DENND1B: variants seen among roughly 807,000 people sequenced by gnomAD.
DENND1B encodes DENN domain containing 1B, also known as DENN domain-containing protein 1B.
A neutral mutation model predicts 90.1 loss-of-function variants in DENND1B; 59 were observed. The observed-to-expected ratio is 0.65, with a 90% CI of 0.53 to 0.81. The LOEUF (loss-of-function observed/expected upper bound fraction) is 0.81. Among genes scored for constraint, DENND1B ranks in the 40% least tolerant of loss-of-function variants. DENND1B has a pLI of 0.00. For missense variants in DENND1B, 862 were observed against 912.6 expected, an observed-to-expected ratio of 0.94 and a Z score of 0.71; for synonymous variants, 337 against 324.6, an observed-to-expected ratio of 1.04 and a Z score of -0.41.
chr1:197,613,247 G>C (rs1332766224), intron 11 of DENND1B, among the ~76,000 whole-genome samples: 2 of 150,640 alleles, frequency 1.3e-5, no homozygotes, highest in African/African-American at 4.9e-5. Context: ...ACCTTAAAAA[G>C]TTCCAAATTT....
chr1:197,758,506 A>G (rs1028865515), intron 2 of DENND1B, among the ~76,000 whole-genome samples: 5 of 152,194 alleles, frequency 3.3e-5, no homozygotes, highest in African/African-American at 1.2e-4. Flanking sequence ...TATGTATTTG[A>G]CTCTCATAAC....
chr1:197,553,440 T>C (rs1054307890), intron 15 of DENND1B, among the ~76,000 whole-genome samples: 2 of 152,252 alleles, frequency 1.3e-5, no homozygotes, highest in Admixed American at 1.3e-4. Flanking sequence ...GCACAATCTC[T>C]ACAGAGGAGT....
intron 2 of DENND1B, among the ~76,000 whole-genome samples, chr1:197,729,600 G>A (rs966790418): frequency 6.6e-6 from 1 of 152,102 alleles, no homozygotes; most frequent in Non-Finnish European, 1.5e-5. Flanking sequence ...CATACTTCAA[G>A]AAAGAAATAG....
Position 197,511,055 on chromosome 1 carries a change from T to C in DENND1B, c.1816-83A>G. 9 of 1,307,828 alleles carry C rather than the reference T, an allele frequency of 6.9e-6. No homozygotes were observed. The South Asian group carries it at 1.8e-4, about 26-fold the overall frequency. The allele number at this position is 1,307,828 out of a possible 1,614,324, so 81.0% of individuals were successfully genotyped here. On this transcript the variant is annotated intron_variant, in intron 22 of 22. Coordinates refer to ENST00000620048, the MANE Select transcript of DENND1B (RefSeq NM_001195215.2). ...CTTTTTTCTCTTTTGAAATAAATGT[T>C]AATAGCGTTAAGTTCCTCCCAGAGA...
chr1:197,561,445 C>A (rs983214055), intron 15 of DENND1B, among the ~76,000 whole-genome samples: 4 of 151,878 alleles, frequency 2.6e-5, no homozygotes, highest in African/African-American at 9.7e-5. Context: ...TCTTTCATAA[C>A]CTCCGTTGCT....
chr1:197,700,146 GAGCCA>G (rs1658878104), intron 3 of DENND1B, among the ~76,000 whole-genome samples: 1 of 151,680 alleles, frequency 6.6e-6, no homozygotes, highest in South Asian at 2.1e-4. Flanking sequence ...AGACTCCATA[GAGCCA>G]AGTAAAAAGT....
At chr1:197,688,143 T>A (rs1266769589) in intron 3 of DENND1B, among the ~76,000 whole-genome samples, 1 of 151,954 alleles carries the variant, frequency 6.6e-6, no homozygotes, top group Admixed American at 6.6e-5. Flanking sequence ...TGAAAAACTA[T>A]AAAACACTGA....
At chr1:197,672,805 A>C (rs1267759999) in intron 4 of DENND1B, among the ~76,000 whole-genome samples, 3 of 152,096 alleles carry the variant, frequency 2.0e-5, no homozygotes, top group Non-Finnish European at 4.4e-5. Flanking sequence ...TCAACTTTGA[A>C]GTATCATACT....
chr1:197,761,096 CAG>C lies in DENND1B; in HGVS notation c.82+11770_82+11771del, dbSNP rs574212340. 5.5e-4 allele frequency among the ~76,000 whole-genome samples: 84 copies of C among 152,210 alleles called. 2 individuals are homozygous for C. The South Asian group carries it at 0.017, about 31-fold the overall frequency. ...CTCCTTATTGTCAGTGATTACTCTG[CAG>C]GTATTCATCAACAAAATCACACATT... is the stretch of plus-strand genomic sequence containing the variant. On this transcript the variant is annotated intron_variant, in intron 2 of 22. Transcript: ENST00000620048.
At chr1:197,683,037 G>A (rs562856864) in intron 3 of DENND1B, among the ~76,000 whole-genome samples, 168 of 152,186 alleles carry the variant, frequency 1.1e-3, no homozygotes, top group African/African-American at 3.9e-3. Flanking sequence ...TTTGTCTGGG[G>A]TAGGGGGAGG....
chr1:197,657,410 A>G (rs76915869), intron 6 of DENND1B, among the ~76,000 whole-genome samples: 5,149 of 152,194 alleles, frequency 0.034, 302 homozygotes, highest in African/African-American at 0.11. Context: ...CATTTATCCC[A>G]GGTTGTAATT....
At chr1:197,719,635 T>C (rs1660971080) in intron 2 of DENND1B, among the ~76,000 whole-genome samples, 1 of 152,182 alleles carries the variant, frequency 6.6e-6, no homozygotes, top group African/African-American at 2.4e-5. Context: ...TCAATATAGG[T>C]AGATATCCAA....
chr1:197,645,771 A>G, intron 8 of DENND1B, 28 bp from the exon 9 acceptor site: 4 of 1,461,346 alleles, frequency 2.7e-6, no homozygotes, highest in Non-Finnish European at 3.7e-6. Flanking sequence ...ATCACATATG[A>G]AAAAGATAAT....
At chr1:197,605,768 T>C (rs1212113169) in intron 13 of DENND1B, 1 of 151,208 alleles carries the variant, frequency 6.6e-6, no homozygotes, top group Non-Finnish European at 1.5e-5. Context: ...ATAGCATAAG[T>C]TTTACTACAG....
chr1:197,673,541 C>T (rs1231057021), intron 4 of DENND1B, among the ~76,000 whole-genome samples: 2 of 152,072 alleles, frequency 1.3e-5, no homozygotes, highest in Admixed American at 6.6e-5. Flanking sequence ...GTTATGCTCA[C>T]AGGGCTGTAT....
intron 15 of DENND1B, among the ~76,000 whole-genome samples, chr1:197,571,561 A>T (rs554918476): frequency 6.6e-6 from 1 of 152,274 alleles, no homozygotes; most frequent in African/African-American, 2.4e-5. Context: ...CTCAATCTAA[A>T]TTGGCCATCC....
upstream of DENND1B, among the ~76,000 whole-genome samples, chr1:197,778,259 C>G (rs919046561): frequency 3.9e-5 from 6 of 152,188 alleles, no homozygotes; most frequent in Admixed American, 3.9e-4. Flanking sequence ...CTTTTACATT[C>G]AAACTTTCTA....
chr1:197,555,229 C>T (rs895346870), intron 15 of DENND1B, among the ~76,000 whole-genome samples: 6 of 151,868 alleles, frequency 4.0e-5, no homozygotes, highest in African/African-American at 1.5e-4. Flanking sequence ...AACTAAAAAC[C>T]TTTCTCCCTA....
At chr1:197,576,437 T>G (rs1052907591) in intron 15 of DENND1B, among the ~76,000 whole-genome samples, 1 of 152,136 alleles carries the variant, frequency 6.6e-6, no homozygotes, top group African/African-American at 2.4e-5. Flanking sequence ...GACCTGCCAT[T>G]AGTGACACTC....
Sources: allele counts gnomAD v4.1 joint callset (sites outside exome capture counted in the v4.1 genomes callset), GRCh38; gene constraint gnomAD v4.1.1; transcripts MANE v1.5; gene names NCBI Gene and HGNC (gene_info 2026-07-23, HGNC 2026-07-21).